Variants in EPB41L3 observed in about 807,000 individuals in gnomAD.
The protein encoded by EPB41L3 is band 4.1-like protein 3.
A neutral mutation model predicts 127.1 loss-of-function variants in EPB41L3; 57 were observed. That is an observed-to-expected ratio of 0.45 (90% CI 0.36 to 0.56). The LOEUF (loss-of-function observed/expected upper bound fraction) is 0.56. Ranked by LOEUF, EPB41L3 falls within the 20% of genes least tolerant of loss-of-function variation. EPB41L3 has a pLI of 0.00. For synonymous variants in EPB41L3, 572 were observed against 549.5 expected (o/e 1.04, Z -0.57); for missense variants, 1,273 against 1,372.2 (o/e 0.93, Z 1.14).
chr18:5,619,105 G>A (rs1242892060), intron 1 of EPB41L3, among the ~76,000 whole-genome samples: 3 of 152,192 alleles, frequency 2.0e-5, no homozygotes, highest in East Asian at 3.9e-4. Context: ...TGTGATGTAT[G>A]TATAATACAA....
chr18:5,498,224 G>C (rs2091361914), intron 1 of EPB41L3, among the ~76,000 whole-genome samples: 1 of 152,192 alleles, frequency 6.6e-6, no homozygotes. Flanking sequence ...TTTTCCAGGA[G>C]TTAACACAAA....
At chr18:5,523,690 C>T (rs2093094003) in intron 1 of EPB41L3, among the ~76,000 whole-genome samples, 1 of 151,956 alleles carries the variant, frequency 6.6e-6, no homozygotes, top group Non-Finnish European at 1.5e-5. Context: ...GAGGCTGAGG[C>T]AGGAGAATCA....
intron 1 of EPB41L3, among the ~76,000 whole-genome samples, chr18:5,525,212 C>A (rs1284471509): frequency 6.6e-6 from 1 of 152,114 alleles, no homozygotes; most frequent in Non-Finnish European, 1.5e-5. Context: ...CCCTGACAGC[C>A]CAGCAGCCAC....
At chr18:5,480,545 A>G (rs192051349) in intron 2 of EPB41L3, among the ~76,000 whole-genome samples, 12 of 152,342 alleles carry the variant, frequency 7.9e-5, no homozygotes, top group Admixed American at 5.2e-4. Context: ...TCTAATCGTT[A>G]CTATGTACCA....
At chr18:5,598,659 T>C (rs1161789572) in intron 3 of EPB41L3, among the ~76,000 whole-genome samples, 1 of 152,214 alleles carries the variant, frequency 6.6e-6, no homozygotes, top group Non-Finnish European at 1.5e-5. Context: ...TAATACTCCA[T>C]GGTTTCATTG....
chr18:5,475,107 C>T (rs560959637), intron 3 of EPB41L3, among the ~76,000 whole-genome samples: 2 of 152,150 alleles, frequency 1.3e-5, no homozygotes, highest in East Asian at 1.9e-4. Flanking sequence ...TTTAACACAT[C>T]CTATTTCTCT....
At chr18:5,503,486 A>G (rs2091911877) in intron 1 of EPB41L3, among the ~76,000 whole-genome samples, 1 of 152,212 alleles carries the variant, frequency 6.6e-6, no homozygotes, top group African/African-American at 2.4e-5. Context: ...GGCTCCAGGC[A>G]CAGGTCATTT....
intron 3 of EPB41L3, among the ~76,000 whole-genome samples, chr18:5,566,678 A>T (rs1011843922): frequency 1.3e-5 from 2 of 151,974 alleles, no homozygotes; most frequent in African/African-American, 4.8e-5. Context: ...AAAGGAACAA[A>T]GCTGGAAGCA....
intron 16 of EPB41L3, among the ~76,000 whole-genome samples, chr18:5,401,483 C>T (rs187996194): frequency 2.0e-4 from 30 of 151,776 alleles, no homozygotes; most frequent in African/African-American, 7.2e-4. Flanking sequence ...TATTGTATTC[C>T]CCATTTAGGT....
intron 3 of EPB41L3, chr18:5,610,187 G>T (rs1557311): frequency 2.0e-6 from 2 of 985,310 alleles, no homozygotes; most frequent in Non-Finnish European, 2.4e-6. Flanking sequence ...CGTATTTCCA[G>T]ATGATTGGCA....
intron 5 of EPB41L3, among the ~76,000 whole-genome samples, chr18:5,440,969 T>C (rs1383639253): frequency 3.3e-5 from 5 of 152,178 alleles, no homozygotes; most frequent in African/African-American, 1.2e-4. Context: ...CTTGAACTCC[T>C]GGGCTCAAGT....
At position 5,508,496 on chromosome 18, in the gene EPB41L3, G is replaced by A. The variant is rs565628618; in HGVS notation, c.-11-19302C>T. ...AAGAATCTAGTAAGAGGCTGGACAC[G>A]GTGGTTCATGCCTGTAATTCCAGTG... is the stretch of plus-strand genomic sequence containing the variant. On this transcript the variant is annotated intron_variant, in intron 1 of 22. Coordinates refer to ENST00000341928, the MANE Select transcript of EPB41L3 (RefSeq NM_012307.5). 1.5e-3 allele frequency among the ~76,000 whole-genome samples: 230 copies of A among 152,054 alleles called. 1 individual carries two copies. The highest frequency in any genetic ancestry group is 3.4e-3 in the Middle Eastern group (1 of 294).
intron 3 of EPB41L3, among the ~76,000 whole-genome samples, chr18:5,589,536 T>A (rs546605843): frequency 6.6e-6 from 1 of 152,212 alleles, no homozygotes; most frequent in African/African-American, 2.4e-5. Context: ...TGTGTTTAGA[T>A]GAGTCTTTAT....
intron 1 of EPB41L3, among the ~76,000 whole-genome samples, chr18:5,500,293 T>C (rs542235591): frequency 6.6e-6 from 1 of 152,338 alleles, no homozygotes; most frequent in South Asian, 2.1e-4. Context: ...AAGATATCTT[T>C]GGCACCTTAA....
chr18:5,488,579 GATGATA>G lies in EPB41L3; in HGVS notation c.183+416_183+421del, dbSNP rs1264192908. On this transcript the variant is annotated intron_variant, in intron 2 of 22. Coordinates refer to ENST00000341928, the MANE Select transcript of EPB41L3 (RefSeq NM_012307.5). ...AAAGTATAATAATAATGATGATGATGATGATAATAATAATAATAATAATAATAAAAG... is the reference window on the plus strand; with the variant it reads ...AAAGTATAATAATAATGATGATGATGATAATAATAATAATAATAATAAAAG... 2.0e-5 allele frequency among the ~76,000 whole-genome samples: 3 copies of G among 148,762 alleles called. No individual in the cohort carries two copies. The South Asian group carries it at 6.4e-4, about 32-fold the overall frequency.
chr18:5,452,085 T>C (rs1034945240), intron 3 of EPB41L3, among the ~76,000 whole-genome samples: 2 of 152,140 alleles, frequency 1.3e-5, no homozygotes, highest in Non-Finnish European at 2.9e-5. Context: ...CCTCAAGTGA[T>C]CCATCCACCT....
At chr18:5,422,903 C>T (rs1598744570) in intron 11 of EPB41L3, among the ~76,000 whole-genome samples, 1 of 152,292 alleles carries the variant, frequency 6.6e-6, no homozygotes, top group Admixed American at 6.5e-5. Flanking sequence ...ATTTGAATGT[C>T]ATCCTTTCTA....
At chr18:5,569,172 A>G (rs985153292) in intron 3 of EPB41L3, among the ~76,000 whole-genome samples, 3 of 152,178 alleles carry the variant, frequency 2.0e-5, no homozygotes, top group African/African-American at 7.2e-5. Flanking sequence ...AACAAAACAA[A>G]ACAGTAACAT....
intron 3 of EPB41L3, among the ~76,000 whole-genome samples, chr18:5,581,336 G>A (rs556632892): frequency 1.3e-5 from 2 of 152,086 alleles, no homozygotes; most frequent in Admixed American, 1.3e-4. Flanking sequence ...TACCCTTATA[G>A]TGTCTAATAT....
Sources: gnomAD v4.1 joint callset for allele counts (sites outside exome capture counted in the v4.1 genomes callset) on GRCh38, gnomAD v4.1.1 for gene constraint, MANE v1.5 for transcripts, NCBI Gene and HGNC (gene_info 2026-07-23, HGNC 2026-07-21) for gene names.